The following VRK2 variants were observed in gnomAD, a reference collection of about 807,000 sequenced individuals.
The protein encoded by VRK2 is serine/threonine-protein kinase VRK2.
Under a neutral mutation model 57.6 loss-of-function variants are expected in VRK2, and 60 were observed. The ratio of observed to expected loss-of-function variants is 1.04; its 90% CI spans 0.85 to 1.29. VRK2 has a LOEUF of 1.29. VRK2 is among the 50% of genes most tolerant of loss of function. The probability of loss-of-function intolerance (pLI) is 0.00; values close to 1 mark genes in which losing one functional copy is unlikely to be tolerated. For synonymous variants in VRK2, 231 were observed against 199.2 expected, an observed-to-expected ratio of 1.16 and a Z score of -1.35; for missense variants, 705 against 588.1, an observed-to-expected ratio of 1.20 and a Z score of -2.06.
intron 2 of VRK2, among the ~76,000 whole-genome samples, chr2:58,076,106 C>CTTTTTTTTTTTTTTTTTTTTTTTT: frequency 8.2e-6 from 1 of 121,818 alleles, no homozygotes; most frequent in African/African-American, 3.1e-5. Context: ...CTACTGTCTT[C>CTTTTTTTTTTTTTTTTTTTTTTTT]TTTTTTTTTT....
At chr2:58,027,791 A>G (rs1262871532) in intron 2 of VRK2, among the ~76,000 whole-genome samples, 1 of 152,156 alleles carries the variant, frequency 6.6e-6, no homozygotes, top group Non-Finnish European at 1.5e-5. Context: ...CCAGCATGGG[A>G]GGCCAAAGAG....
chr2:58,112,905 C>T (rs1675787279), intron 7 of VRK2, among the ~76,000 whole-genome samples: 1 of 152,018 alleles, frequency 6.6e-6, no homozygotes, highest in African/African-American at 2.4e-5. Context: ...TTGGAACTGC[C>T]CTCAGAAGAA....
intron 1 of VRK2, among the ~76,000 whole-genome samples, chr2:57,991,360 T>C (rs928238820): frequency 6.8e-6 from 1 of 147,820 alleles, no homozygotes; most frequent in African/African-American, 2.6e-5. Flanking sequence ...TCCATGTAAA[T>C]TATATTTTAG....
chr2:58,159,504 A>T lies in VRK2; in HGVS notation c.1338A>T (p.Arg446Ser). The T allele has an allele frequency of 1.9e-6, 3 of 1,613,762 alleles. No homozygotes were observed. Among genetic ancestry groups the T allele is most frequent in the Non-Finnish European group, 2.5e-6 (3 of 1,179,796 alleles). The change falls in exon 13 of 13, where the codon AGA (arginine) becomes AGT (serine). Residue 446 changes from arginine to serine, a missense_variant. Coordinates refer to ENST00000340157, the MANE Select transcript of VRK2 (RefSeq NM_006296.7). ...GTCCAGATATATTCAAGAAGTCAAG[A>T]TCTCCATCTTGGTATAAATACACTT... ...FTSPDIFKKS[R>S]SPSWYKYTST...
In VRK2 at chr2:58,146,381, A is replaced by T. The variant is rs766309498; in HGVS notation, c.1089A>T (p.Lys363Asn). Residue 363 changes from lysine (K) to asparagine (N), a missense_variant, in exon 12 of 13, where the codon AAA becomes AAT. By Grantham distance (94) the Lys-to-Asn change is moderately conservative (BLOSUM62 0). Coordinates refer to ENST00000340157, the MANE Select transcript of VRK2 (RefSeq NM_006296.7). The part of the protein sequence containing the change: ...NKAHNRLIEK[K>N]VHSERSAESC... ...CACACAATAGGTTAATCGAAAAAAA[A>T]GTCCACAGTGAGAGAAGCGCTGAGT... is the stretch of plus-strand genomic sequence containing the variant. 1 of 1,611,804 alleles carries T rather than the reference A, an allele frequency of 6.2e-7. No individual in the cohort carries two copies. The highest frequency in any genetic ancestry group is 8.5e-7 in the Non-Finnish European group (1 of 1,178,430).
At chr2:57,972,096 A>G (rs1487699949) in intron 1 of VRK2, among the ~76,000 whole-genome samples, 2 of 151,700 alleles carry the variant, frequency 1.3e-5, no homozygotes, top group Non-Finnish European at 3.0e-5. Context: ...CCAGTTTATC[A>G]TGCATATTTT....
At chr2:57,962,220 G>A (rs1304566689) in intron 1 of VRK2, among the ~76,000 whole-genome samples, 1 of 152,122 alleles carries the variant, frequency 6.6e-6, no homozygotes, top group South Asian at 2.1e-4. Context: ...TCATCCTACA[G>A]ATAAGGAAAG....
intron 2 of VRK2, among the ~76,000 whole-genome samples, chr2:58,061,129 G>A (rs1206608215): frequency 6.6e-6 from 1 of 151,734 alleles, no homozygotes; most frequent in Admixed American, 6.6e-5. Flanking sequence ...TGAATGTAGA[G>A]TTTCATAACA....
chr2:57,941,245 T>C (rs1671084050), intron 1 of VRK2, among the ~76,000 whole-genome samples: 1 of 152,166 alleles, frequency 6.6e-6, no homozygotes, highest in Non-Finnish European at 1.5e-5. Flanking sequence ...TGACCTCAAC[T>C]AAAGTCAGCT....
intron 1 of VRK2, among the ~76,000 whole-genome samples, chr2:57,951,092 A>G (rs1263445592): frequency 6.6e-6 from 1 of 151,470 alleles, no homozygotes; most frequent in African/African-American, 2.4e-5. Context: ...CTCCATCTCA[A>G]AAAAAAAATA....
At chr2:58,146,962 T>C (rs966143168) in intron 12 of VRK2, among the ~76,000 whole-genome samples, 1 of 151,972 alleles carries the variant, frequency 6.6e-6, no homozygotes, top group African/African-American at 2.4e-5. Context: ...TAATCTAACC[T>C]TTTTTGACAA....
intron 10 of VRK2, among the ~76,000 whole-genome samples, chr2:58,135,539 G>A (rs1297806083): frequency 6.7e-6 from 1 of 148,700 alleles, no homozygotes; most frequent in African/African-American, 2.5e-5. Flanking sequence ...TCCTGGTTTT[G>A]TTCCTCTATA....
chr2:57,960,591 T>A (rs1219387874), intron 1 of VRK2, among the ~76,000 whole-genome samples: 1 of 152,244 alleles, frequency 6.6e-6, no homozygotes, highest in Non-Finnish European at 1.5e-5. Flanking sequence ...CCTAGGTTCA[T>A]ATCTATGGTC....
At chr2:57,991,847 A>C (rs1400771232) in intron 1 of VRK2, among the ~76,000 whole-genome samples, 1 of 151,490 alleles carries the variant, frequency 6.6e-6, no homozygotes, top group Non-Finnish European at 1.5e-5. Flanking sequence ...AGTGCCAGCT[A>C]CTCAGGAGGC....
At chr2:57,983,034 G>T (rs1349185779) in intron 1 of VRK2, among the ~76,000 whole-genome samples, 1 of 152,168 alleles carries the variant, frequency 6.6e-6, no homozygotes, top group Non-Finnish European at 1.5e-5. Flanking sequence ...GCTGCTCAGG[G>T]CCAGAAATGA....
At chr2:58,084,790 A>ATATATATGTAG in intron 3 of VRK2, 91 bp from the exon 4 acceptor site, 12 of 832,306 alleles carry the variant, frequency 1.4e-5, no homozygotes, top group Non-Finnish European at 2.3e-5. Context: ...TATATACTAC[A>ATATATATGTAG]TATATATGTT....
At chr2:57,937,030 T>C (rs895005963) in intron 1 of VRK2, among the ~76,000 whole-genome samples, 1 of 152,222 alleles carries the variant, frequency 6.6e-6, no homozygotes, top group African/African-American at 2.4e-5. Flanking sequence ...TCCAGGCAAG[T>C]TGTTCTTTTG....
chr2:57,973,829 C>T (rs941480178), intron 1 of VRK2, among the ~76,000 whole-genome samples: 1 of 151,466 alleles, frequency 6.6e-6, no homozygotes, highest in Non-Finnish European at 1.5e-5. Context: ...GCGTTCAAAG[C>T]AGCTGAGGCC....
At chr2:58,079,818 A>G (rs1670608886) in intron 2 of VRK2, among the ~76,000 whole-genome samples, 1 of 152,006 alleles carries the variant, frequency 6.6e-6, no homozygotes, top group African/African-American at 2.4e-5. Context: ...TAGAAGCCAT[A>G]ATATGGTTGC....
Sources: gnomAD v4.1 joint callset for allele counts (sites outside exome capture counted in the v4.1 genomes callset) on GRCh38, gnomAD v4.1.1 for gene constraint, MANE v1.5 for transcripts, NCBI Gene and HGNC (gene_info 2026-07-23, HGNC 2026-07-21) for gene names.